The following IRX2 variants were observed in gnomAD, a reference collection of about 807,000 sequenced individuals.
IRX2 encodes the protein iroquois-class homeodomain protein IRX-2.
IRX2 carries 26 observed loss-of-function variants against 42.9 expected under a neutral mutation model. That is an observed-to-expected ratio of 0.61 (90% CI 0.44 to 0.84). The LOEUF is 0.84. Ranked by LOEUF, IRX2 falls within the 40% of genes least tolerant of loss-of-function variation. The pLI is 0.00. For missense variants in IRX2, 782 were observed against 713.9 expected, an observed-to-expected ratio of 1.10 and a Z score of -1.09; for synonymous variants, 424 against 353.9, an observed-to-expected ratio of 1.20 and a Z score of -2.22.
chr5:2,750,412 G>T (rs1419640269), intron 1 of IRX2, among the ~76,000 whole-genome samples: 2 of 152,352 alleles, frequency 1.3e-5, no homozygotes, highest in African/African-American at 4.8e-5. Context: ...GCCGGCAGTC[G>T]CGACAACCCC....
rs766318964 is a variant in IRX2 at position 2,749,667 on chromosome 5, C to T, written c.370G>A (p.Asp124Asn). The change falls in exon 2 of 4, where the codon GAC becomes AAC. Residue 124 changes from aspartate to asparagine, a missense_variant. This residue lies in a region of IRX2 where 256 missense variants were observed against 250.0 expected (regional missense o/e 1.02). Coordinates refer to ENST00000302057, the MANE Select transcript of IRX2 (RefSeq NM_033267.5). ...CAGGCCTTGAGAGTGGCCGTGGCGTCCCGCGTGGCGTTCTTGCGGTACGCG... is the reference window on the plus strand; with the variant it reads ...CAGGCCTTGAGAGTGGCCGTGGCGTTCCGCGTGGCGTTCTTGCGGTACGCG... ...DPAYRKNATR[D>N]ATATLKAWLN... 1.2e-6 allele frequency: 2 copies of T among 1,614,204 alleles called. No individual in the cohort carries two copies. Among genetic ancestry groups the T allele is most frequent in the Non-Finnish European group, 1.7e-6 (2 of 1,180,038 alleles).
At position 2,747,288 on chromosome 5, in the gene IRX2, T is replaced by C. The variant is rs1017033387; in HGVS notation, c.*276A>G. 4.5e-6 allele frequency: 1 copy of C among 224,150 alleles called. No homozygotes were observed. The allele number at this position is 224,150 out of a possible 1,614,324, so 13.9% of individuals were successfully genotyped here. A position where few individuals can be genotyped will look rare whatever the true frequency, so the allele number is the denominator to read the frequency against. On this transcript the variant is annotated 3_prime_UTR_variant, in exon 4 of 4. Coordinates refer to ENST00000302057, the MANE Select transcript of IRX2 (RefSeq NM_033267.5). ...GTACTATATATATACATATATATAT[T>C]ACACACACACACACACACATATATA...
At chr5:2,737,759 G>C in the IRX2 span, 1 of 152,330 alleles carries the variant, frequency 6.6e-6, no homozygotes, top group Non-Finnish European at 1.5e-5. Flanking sequence ...GCCTGAGGCT[G>C]CCAGTTCTTG....
chr5:2,741,255 C>A (rs2111434722), downstream of IRX2, among the ~76,000 whole-genome samples: 1 of 152,382 alleles, frequency 6.6e-6, no homozygotes, highest in African/African-American at 2.4e-5. Flanking sequence ...ACTCCTGGCA[C>A]CTTTATGGGC....
the IRX2 span, among the ~76,000 whole-genome samples, chr5:2,738,830 C>T: frequency 6.6e-6 from 1 of 152,226 alleles, no homozygotes; most frequent in Non-Finnish European, 1.5e-5. Flanking sequence ...CCCAGAGCCC[C>T]AGTCAGGGCC....
chr5:2,742,403 G>A (rs1327458941), downstream of IRX2, among the ~76,000 whole-genome samples: 1 of 152,122 alleles, frequency 6.6e-6, no homozygotes, highest in African/African-American at 2.4e-5. Flanking sequence ...TATCTGTAGG[G>A]ATTTGTCACT....
In IRX2 at chr5:2,748,968, T is replaced by C; in HGVS notation, c.740A>G (p.Asp247Gly). 6.3e-7 allele frequency: 1 copy of C among 1,596,136 alleles called. No homozygotes were observed. Among genetic ancestry groups the C allele is most frequent in the Non-Finnish European group, 8.5e-7 (1 of 1,179,168 alleles). ...CTCCGAGCCCGATTCGCACAGGGGGTCCCCGGCGCGGCACGGAAGCTTCTC... is the reference window on the plus strand; with the variant it reads ...CTCCGAGCCCGATTCGCACAGGGGGCCCCCGGCGCGGCACGGAAGCTTCTC... ...DGEKLPCRAGDPLCESGSECK... is the reference protein window; with the variant it reads ...DGEKLPCRAGGPLCESGSECK... Residue 247 changes from aspartate (D) to glycine (G), a missense_variant, in exon 3 of 4, where the codon GAC (aspartate) becomes GGC (glycine). Physicochemically the swap from Asp to Gly is moderately conservative, Grantham distance 94. Around this residue, in one of 3 missense-constraint regions of IRX2, gnomAD observed 520 missense variants for 437.8 expected, o/e 1.19. Coordinates refer to ENST00000302057, the MANE Select transcript of IRX2 (RefSeq NM_033267.5).
chr5:2,740,057 C>A, the IRX2 span, among the ~76,000 whole-genome samples: 1 of 152,174 alleles, frequency 6.6e-6, no homozygotes, highest in Non-Finnish European at 1.5e-5. Flanking sequence ...TGGCTGCATT[C>A]CCCTATAAGG....
chr5:2,740,267 C>G, the IRX2 span, among the ~76,000 whole-genome samples: 1 of 151,990 alleles, frequency 6.6e-6, no homozygotes, highest in African/African-American at 2.4e-5. Context: ...TTTCCAGGTG[C>G]GCCTCGGCCC....
downstream of IRX2, among the ~76,000 whole-genome samples, chr5:2,742,119 A>T (rs1229818486): frequency 6.6e-6 from 1 of 152,218 alleles, no homozygotes; most frequent in Non-Finnish European, 1.5e-5. Flanking sequence ...TTGAGGCCAC[A>T]TCCATCTGTT....
At chr5:2,737,557 GGTCTCGAGTGCT>G in the IRX2 span, among the ~76,000 whole-genome samples, 1 of 152,202 alleles carries the variant, frequency 6.6e-6, no homozygotes, top group African/African-American at 2.4e-5. Context: ...CCCACTAGCA[GGTCTCGAGTGCT>G]GTCCTCTCCA....
At chr5:2,738,849 T>A in the IRX2 span, among the ~76,000 whole-genome samples, 1 of 151,878 alleles carries the variant, frequency 6.6e-6, no homozygotes, top group Non-Finnish European at 1.5e-5. Context: ...CCGCCAGAGG[T>A]CGCGGAGGGT....
chr5:2,739,759 T>C, the IRX2 span, among the ~76,000 whole-genome samples: 1 of 152,084 alleles, frequency 6.6e-6, no homozygotes, highest in African/African-American at 2.4e-5. Context: ...GGCCTGAGGC[T>C]GAGGGCCAGG....
downstream of IRX2, among the ~76,000 whole-genome samples, chr5:2,745,665 A>G (rs1353141862): frequency 6.6e-6 from 1 of 152,166 alleles, no homozygotes; most frequent in Admixed American, 6.5e-5. Context: ...CAGTTAAGAA[A>G]TCCTTCCATA....
the IRX2 span, among the ~76,000 whole-genome samples, chr5:2,738,137 G>T: frequency 6.6e-6 from 1 of 152,224 alleles, no homozygotes. Context: ...CTCCTGCAAA[G>T]TCTGTTTGTC....
rs1426397618 is a variant in IRX2 at position 2,747,661 on chromosome 5, G to A, written c.1364-45C>T. ...TTAGTCAGAACCGACCCCACAGCCT[G>A]CTGGCTGCGCAGACCACCGTGCACC... On this transcript the variant is annotated intron_variant, in intron 3 of 3. Transcript: ENST00000302057. The A allele has an allele frequency of 3.8e-6, 6 of 1,594,848 alleles. No homozygotes were observed. The African/African-American group carries it at 5.4e-5, about 14-fold the overall frequency.
Position 2,748,689 on chromosome 5 carries a change from A to G in IRX2, c.1019T>C (p.Leu340Pro). The G allele has an allele frequency of 7.2e-7, 1 of 1,395,998 alleles. No homozygotes were observed. The highest frequency in any genetic ancestry group is 9.3e-7 in the Non-Finnish European group (1 of 1,075,836). 86.5% of individuals were successfully genotyped at this position (1,395,998 alleles called of 1,614,324 possible). Residue 340 changes from leucine to proline, a missense_variant, in exon 3 of 4, where the codon CTC (leucine) becomes CCC (proline). Leu to Pro is a moderately conservative substitution (Grantham distance 98). Coordinates refer to ENST00000302057, the MANE Select transcript of IRX2 (RefSeq NM_033267.5). Reference sequence around the variant, plus strand: ...GCCCGGGCCCAGGCTCGGCTGCTTGAGGTCCGACGTGGCGATCTCGGCCAG... The same window carrying G: ...GCCCGGGCCCAGGCTCGGCTGCTTGGGGTCCGACGTGGCGATCTCGGCCAG... ...WSLAEIATSD[L>P]KQPSLGPGCG...
At chr5:2,740,816 G>A in the IRX2 span, among the ~76,000 whole-genome samples, 1 of 152,200 alleles carries the variant, frequency 6.6e-6, no homozygotes. Flanking sequence ...CTCCAGCACT[G>A]GGAAGGCGAC....
downstream of IRX2, among the ~76,000 whole-genome samples, chr5:2,742,396 C>A (rs1459584958): frequency 2.0e-5 from 3 of 152,132 alleles, no homozygotes; most frequent in African/African-American, 7.2e-5. Flanking sequence ...TTTAAAATAT[C>A]TGTAGGGATT....
Sources: allele counts gnomAD v4.1 joint callset (sites outside exome capture counted in the v4.1 genomes callset), GRCh38; gene constraint gnomAD v4.1.1; regional missense constraint gnomAD v4.1.1; transcripts MANE v1.5; gene names NCBI Gene and HGNC (gene_info 2026-07-23, HGNC 2026-07-21).